TSTD2: variants seen among roughly 807,000 people sequenced by gnomAD.
TSTD2 encodes the protein thiosulfate sulfurtransferase/rhodanese-like domain-containing protein 2.
A neutral mutation model predicts 47.9 loss-of-function variants in TSTD2; 37 were observed. The observed-to-expected ratio is 0.77, with a 90% confidence interval of 0.59 to 1.02. TSTD2 has a LOEUF of 1.02. Ranked by LOEUF, TSTD2 falls within the 50% of genes least tolerant of loss-of-function variation. The probability of loss-of-function intolerance (pLI) is 0.00; values close to 1 mark genes in which losing one functional copy is unlikely to be tolerated. For synonymous variants in TSTD2, 201 were observed against 215.9 expected, an observed-to-expected ratio of 0.93 and a Z score of 0.61; for missense variants, 586 against 616.0, an observed-to-expected ratio of 0.95 and a Z score of 0.52.
intron 3 of TSTD2, among the ~76,000 whole-genome samples, chr9:97,622,061 G>A (rs893359331): frequency 6.6e-6 from 1 of 151,974 alleles, no homozygotes; most frequent in African/African-American, 2.4e-5. Context: ...TCTCAGGCCG[G>A]CCAACACTTA....
In TSTD2 at chr9:97,606,218, C is replaced by A. The variant is rs1443749952; in HGVS notation, c.879G>T (p.Lys293Asn). ...SPGEFHKEVEKFLSQANQEQS... is the reference protein window; with the variant it reads ...SPGEFHKEVENFLSQANQEQS... ...GTTCTTGATTTGCCTGAGATAAAAA[C>A]TTTTCTACTTCTTTATGAAATTCAC... Residue 293 changes from lysine to asparagine, a missense_variant, in exon 7 of 10, where the codon AAG becomes AAT. Coordinates refer to ENST00000341170, the MANE Select transcript of TSTD2 (RefSeq NM_139246.5). The A allele has an allele frequency of 4.3e-6, 7 of 1,611,562 alleles. No individual in the cohort carries two copies. The highest frequency in any genetic ancestry group is 1.3e-5 in the African/African-American group (1 of 74,834).
intron 6 of TSTD2, among the ~76,000 whole-genome samples, chr9:97,610,009 G>A (rs939390680): frequency 6.6e-6 from 1 of 152,156 alleles, no homozygotes. Context: ...CTTGTTTCCT[G>A]TAGCAAAAGG....
chr9:97,608,730 C>G (rs182544606), intron 6 of TSTD2, among the ~76,000 whole-genome samples: 11 of 152,288 alleles, frequency 7.2e-5, no homozygotes, highest in Non-Finnish European at 1.5e-4. Context: ...CTGCAGTGCC[C>G]AGGAAAAGCT....
At chr9:97,632,374 TAGG>T (rs1826839572) in intron 1 of TSTD2, among the ~76,000 whole-genome samples, 2 of 146,888 alleles carry the variant, frequency 1.4e-5, no homozygotes, top group East Asian at 3.9e-4. Context: ...TGGAAAGTCG[TAGG>T]AGACTTTTTT....
chr9:97,632,821 A>C (rs1217765743), intron 1 of TSTD2, among the ~76,000 whole-genome samples: 2 of 152,216 alleles, frequency 1.3e-5, no homozygotes, highest in Non-Finnish European at 2.9e-5. Flanking sequence ...AAATTTTTGG[A>C]TTAAGCGGCC....
rs1220741161 is a variant in TSTD2 at position 97,623,526 on chromosome 9, C to T, written c.482+2155G>A. On this transcript the variant is annotated intron_variant, in intron 3 of 9. Coordinates refer to ENST00000341170, the MANE Select transcript of TSTD2 (RefSeq NM_139246.5). ...AAAATAATATAATTTTCTTTCTTTA[C>T]CTCTCCTCCCTAAAGAATATGTAGA... Among the ~76,000 whole-genome samples the T allele has an allele frequency of 2.0e-5, 3 of 152,154 alleles. No individual in the cohort carries two copies. The East Asian group carries it at 5.8e-4, about 29-fold the overall frequency.
rs754609205 is a variant in TSTD2 at position 97,606,174 on chromosome 9, A to G, written c.923T>C (p.Leu308Pro). ...GCTTTCATAGAAGTTTCTGCAATCA[A>G]GAAGGATAGTATCACTTTGTTCTTG... ...ANQEQSDTIL[L>P]DCRNFYESKI... Residue 308 changes from leucine to proline, a missense_variant, in exon 7 of 10, where the codon CTT becomes CCT. Leu to Pro is a moderately conservative substitution (Grantham distance 98). Transcript: ENST00000341170. 4 of 1,611,236 alleles carry G rather than the reference A, an allele frequency of 2.5e-6. No individual in the cohort carries two copies. The Admixed American group carries it at 6.8e-5, about 27-fold the overall frequency.
At chr9:97,630,790 T>C (rs896021657) in intron 1 of TSTD2, among the ~76,000 whole-genome samples, 2 of 152,230 alleles carry the variant, frequency 1.3e-5, no homozygotes, top group African/African-American at 4.8e-5. Flanking sequence ...CTGTAAATAT[T>C]TGAAAATTAC....
intron 4 of TSTD2, among the ~76,000 whole-genome samples, chr9:97,615,037 A>T (rs1826522250): frequency 6.6e-6 from 1 of 152,238 alleles, no homozygotes; most frequent in African/African-American, 2.4e-5. Flanking sequence ...TGAAGTATGT[A>T]TGTCTAAGTA....
At chr9:97,611,453 T>C in intron 5 of TSTD2, 121 bp downstream of exon 5, 1 of 1,199,354 alleles carries the variant, frequency 8.3e-7, no homozygotes, top group Non-Finnish European at 1.1e-6. Context: ...CCCCAAAAAA[T>C]AAAGGGGAAA....
At chr9:97,626,327 C>T (rs570442498) in intron 2 of TSTD2, among the ~76,000 whole-genome samples, 12 of 151,864 alleles carry the variant, frequency 7.9e-5, no homozygotes, top group African/African-American at 2.4e-4. Flanking sequence ...TAGTTATTTT[C>T]GAAAGGAATA....
intron 3 of TSTD2, among the ~76,000 whole-genome samples, chr9:97,623,217 T>C (rs1826668201): frequency 6.6e-6 from 1 of 152,250 alleles, no homozygotes; most frequent in South Asian, 2.1e-4. Context: ...CAAGATCTGA[T>C]GGTTTTAAAA....
intron 1 of TSTD2, 23 bp from the exon 2 acceptor site, chr9:97,627,635 G>C: frequency 7.4e-7 from 1 of 1,356,036 alleles, no homozygotes; most frequent in Non-Finnish European, 9.9e-7. Flanking sequence ...TAAGAAAGAA[G>C]CAGCCATGCT....
Position 97,611,588 on chromosome 9 carries a change from T to C in TSTD2, c.715A>G (p.Lys239Glu), listed in dbSNP as rs145716093. 8.7e-6 allele frequency: 14 copies of C among 1,600,914 alleles called. No homozygotes were observed. In the African/African-American group the frequency reaches 1.7e-4, roughly 20 times the overall value. Residue 239 changes from lysine (K) to glutamate (E), a missense_variant, in exon 5 of 10, where the codon AAA becomes GAA. Lys to Glu is a moderately conservative substitution (Grantham distance 56, BLOSUM62 1). Coordinates refer to ENST00000341170, the MANE Select transcript of TSTD2 (RefSeq NM_139246.5). ...TTTTCTCTTACCTTAAAATCATCTT[T>C]ACACAGGTCATCCTTAAACAATGGG... ...SFPLFKDDLCKDDFKTSKGGA... is the reference protein window; with the variant it reads ...SFPLFKDDLCEDDFKTSKGGA...
rs767373660 is a variant in TSTD2, at chr9:97,604,729, G to A, written c.1250C>T (p.Ser417Leu). 5 of 1,614,018 alleles carry A rather than the reference G, an allele frequency of 3.1e-6. No individual in the cohort carries two copies. In the Admixed American group the frequency reaches 6.7e-5, roughly 22 times the overall value. Reference protein sequence around the residue: ...YALSYNSDVVSECSYCGARWD... With the variant: ...YALSYNSDVVLECSYCGARWD... The stretch of plus-strand genomic sequence containing the variant: ...GCTCTGAGCCTGTGCTGACCTACCT[G>A]ACACCACATCACTGTTGTAGGACAG... Residue 417 changes from serine to leucine, a missense_variant and splice_region_variant, in exon 9 of 10, where the codon TCA becomes TTA. Physicochemically the swap from Ser to Leu is moderately radical, Grantham distance 145. Coordinates refer to ENST00000341170, the MANE Select transcript of TSTD2 (RefSeq NM_139246.5).
At chr9:97,629,355 T>C (rs914839223) in intron 1 of TSTD2, among the ~76,000 whole-genome samples, 2 of 152,200 alleles carry the variant, frequency 1.3e-5, no homozygotes, top group African/African-American at 4.8e-5. Flanking sequence ...AACTTTCTTA[T>C]AAAGGACCTT....
intron 3 of TSTD2, among the ~76,000 whole-genome samples, chr9:97,625,438 C>T (rs374333761): frequency 5.3e-5 from 8 of 152,152 alleles, no homozygotes; most frequent in East Asian, 1.9e-4. Context: ...TGGTATTATA[C>T]CCAGGAGTGG....
In TSTD2 at chr9:97,601,678, C is replaced by A; in HGVS notation, c.*791G>T. 2 of 637,376 alleles carry A rather than the reference C, an allele frequency of 3.1e-6. No individual in the cohort carries two copies. Among genetic ancestry groups the A allele is most frequent in the Non-Finnish European group, 3.9e-6 (2 of 511,336 alleles). 39.5% of individuals were successfully genotyped at this position (637,376 alleles called of 1,614,324 possible). On this transcript the variant is annotated 3_prime_UTR_variant, in exon 10 of 10. Coordinates refer to ENST00000341170, the MANE Select transcript of TSTD2 (RefSeq NM_139246.5). ...TAGTGTCTGTTGCAACTATTCAACT[C>A]TGCCATAGATCATGTGTAAAGGAAT...
intron 3 of TSTD2, among the ~76,000 whole-genome samples, chr9:97,619,872 T>G (rs765423861): frequency 6.6e-6 from 1 of 152,190 alleles, no homozygotes; most frequent in Non-Finnish European, 1.5e-5. Flanking sequence ...TCAACTGTAT[T>G]TCTATTTACC....
Sources: allele counts gnomAD v4.1 joint callset (sites outside exome capture counted in the v4.1 genomes callset), GRCh38; gene constraint gnomAD v4.1.1; transcripts MANE v1.5; gene names NCBI Gene and HGNC (gene_info 2026-07-23, HGNC 2026-07-21).